Variants in SPNS3 observed in about 807,000 individuals in gnomAD.
SPNS3 encodes protein spinster homolog 3.
A neutral mutation model predicts 54.4 loss-of-function variants in SPNS3; 51 were observed. That is an observed-to-expected ratio of 0.94 (90% confidence interval 0.75 to 1.18). SPNS3 has a LOEUF of 1.18. Ranked by LOEUF, SPNS3 falls within the 50% of genes most tolerant of loss-of-function variation. The pLI, the probability that SPNS3 is intolerant of heterozygous loss-of-function variation, is 0.00. For synonymous variants in SPNS3, 309 were observed against 294.7 expected, an observed-to-expected ratio of 1.05 and a Z score of -0.50; for missense variants, 669 against 677.4, an observed-to-expected ratio of 0.99 and a Z score of 0.14.
At chr17:4,448,434 CTG>C in intron 6 of SPNS3, 131 bp downstream of exon 6, 1 of 888,874 alleles carries the variant, frequency 1.1e-6, no homozygotes. Flanking sequence ...TCCTCTTCCT[CTG>C]AGATCGCACT....
At position 4,486,100 on chromosome 17, in the gene SPNS3, T is replaced by A; in HGVS notation, c.1180-128T>A. On this transcript the variant is annotated intron_variant, in intron 9 of 11. Coordinates refer to ENST00000355530, the MANE Select transcript of SPNS3 (RefSeq NM_182538.5). This position sits in a 1 kb window ranked among gnomAD's most constrained non-coding sequence, Gnocchi z 5.5. ...GTGGGACTTTAGACCTTGGGGACCG[T>A]CGACTCCCTCCCATCCCACTCACCT... The A allele has an allele frequency of 1.4e-6, 1 of 733,364 alleles. No homozygotes were observed. The highest frequency in any genetic ancestry group is 2.1e-6 in the Non-Finnish European group (1 of 482,714). The allele number at this position is 733,364 out of a possible 1,614,324, so 45.4% of individuals were successfully genotyped here. A position where few individuals can be genotyped will look rare whatever the true frequency, so the allele number is the denominator to read the frequency against.
intron 1 of SPNS3, among the ~76,000 whole-genome samples, chr17:4,434,561 A>G (rs944034541): frequency 5.9e-5 from 9 of 152,084 alleles, no homozygotes; most frequent in South Asian, 4.2e-4. Context: ...TAGTGGCGCA[A>G]TCTCAGCTCA....
In SPNS3 at chr17:4,486,214, C is replaced by G; in HGVS notation, c.1180-14C>G. The stretch of plus-strand genomic sequence containing the variant: ...TCACTTGGGGTGCCCCCCTGCTGTG[C>G]CTATGTTTTGCAGTCTGTGGTGGTG... On this transcript the variant is annotated splice_polypyrimidine_tract_variant and intron_variant, in intron 9 of 11. Coordinates refer to ENST00000355530, the MANE Select transcript of SPNS3 (RefSeq NM_182538.5). This position sits in a 1 kb window ranked among gnomAD's most constrained non-coding sequence, Gnocchi z 5.5. 1 of 1,527,522 alleles carries G rather than the reference C, an allele frequency of 6.5e-7. No homozygotes were observed. The highest frequency in any genetic ancestry group is 8.8e-7 in the Non-Finnish European group (1 of 1,140,172). 94.6% of individuals were successfully genotyped at this position (1,527,522 alleles called of 1,614,324 possible). A position where few individuals can be genotyped will look rare whatever the true frequency, so the allele number is the denominator to read the frequency against.
intron 6 of SPNS3, among the ~76,000 whole-genome samples, chr17:4,448,514 T>A (rs1402901390): frequency 1.3e-5 from 2 of 152,170 alleles, no homozygotes; most frequent in Admixed American, 6.5e-5. Context: ...GACAGAAATA[T>A]GGACAGAGTG....
chr17:4,466,481 A>C (rs989504378), intron 8 of SPNS3, among the ~76,000 whole-genome samples: 2 of 148,194 alleles, frequency 1.3e-5, no homozygotes, highest in African/African-American at 2.5e-5. Flanking sequence ...CGGAGGTTGC[A>C]GTGAGCTGAG....
chr17:4,470,569 T>G (rs1027726776), intron 8 of SPNS3, among the ~76,000 whole-genome samples: 2 of 152,158 alleles, frequency 1.3e-5, no homozygotes, highest in Non-Finnish European at 2.9e-5. Flanking sequence ...AAAAGAAATT[T>G]CATGCCTATT....
At position 4,446,101 on chromosome 17, in the gene SPNS3, C is replaced by T. The variant is rs1250134022; in HGVS notation, c.456C>T (p.Ser152=). 1.9e-6 allele frequency: 3 copies of T among 1,613,134 alleles called. No homozygotes were observed. In the African/African-American group the frequency reaches 4.0e-5, roughly 22 times the overall value. The change falls in exon 4 of 12, where the codon AGC becomes AGT. Residue 152 remains serine (S), a synonymous_variant. Transcript: ENST00000355530. The part of the protein sequence containing the change: ...SRGIVGTGSA[S]YSTIAPTVLG... ...GCATCGTGGGCACTGGCTCGGCCAG[C>T]TACTCCACCATCGCGCCCACCGTCC...
chr17:4,487,728 G>A, intron 11 of SPNS3, 78 bp from the exon 12 acceptor site: 2 of 1,290,494 alleles, frequency 1.5e-6, no homozygotes, highest in Non-Finnish European at 2.2e-6. Flanking sequence ...TTTCCTGACA[G>A]CCCGTGCCCA....
intron 8 of SPNS3, among the ~76,000 whole-genome samples, chr17:4,470,236 C>G (rs1167461827): frequency 6.6e-6 from 1 of 151,978 alleles, no homozygotes; most frequent in African/African-American, 2.4e-5. Flanking sequence ...CGAGACCAGC[C>G]TGGCCAACAT....
chr17:4,480,317 G>T (rs558035005), intron 9 of SPNS3, among the ~76,000 whole-genome samples: 2 of 152,388 alleles, frequency 1.3e-5, no homozygotes, highest in South Asian at 2.1e-4. Context: ...TATAAAAGGG[G>T]TAATCACCAC....
At position 4,486,396 on chromosome 17, in the gene SPNS3, C is replaced by T; in HGVS notation, c.1279-16C>T. 1.3e-6 allele frequency: 2 copies of T among 1,598,002 alleles called. No homozygotes were observed. The highest frequency in any genetic ancestry group is 2.7e-5 in the African/African-American group (2 of 74,464). ...AGGCTGGTGGGCCTGGCAGACTCAT[C>T]CCTTCTCCTCCGCAGATCTCTAGTG... On this transcript the variant is annotated splice_polypyrimidine_tract_variant and intron_variant, in intron 10 of 11. Transcript: ENST00000355530. The surrounding 1 kb of genome is among the most constrained non-coding windows in gnomAD (Gnocchi z 5.5).
intron 8 of SPNS3, among the ~76,000 whole-genome samples, chr17:4,454,281 G>C (rs1489669560): frequency 6.6e-6 from 1 of 152,226 alleles, no homozygotes; most frequent in Non-Finnish European, 1.5e-5. Context: ...AGCCCTGCCT[G>C]TCCCCCAACA....
chr17:4,440,305 A>G (rs976942263), intron 2 of SPNS3, among the ~76,000 whole-genome samples: 1 of 152,166 alleles, frequency 6.6e-6, no homozygotes, highest in Non-Finnish European at 1.5e-5. Flanking sequence ...ACACACCCAC[A>G]GTGTGCATAT....
rs62064862 is a variant in SPNS3 at position 4,459,481 on chromosome 17, G to A, written c.1113+6276G>A. On this transcript the variant is annotated intron_variant, in intron 8 of 11. Transcript: ENST00000355530. ...AACCCCAGCACTTTGGGAGGCCGAG[G>A]CAGGCGGATCACCTGAGGTCAGGAG... is the stretch of plus-strand genomic sequence containing the variant. Among the ~76,000 whole-genome samples, 1,137 of 152,242 alleles carry A rather than the reference G, an allele frequency of 7.5e-3. 9 individuals carry two copies. The highest frequency in any genetic ancestry group is 0.011 in the Non-Finnish European group (764 of 68,014).
At chr17:4,441,936 C>T (rs1970858738) in intron 2 of SPNS3, among the ~76,000 whole-genome samples, 1 of 148,112 alleles carries the variant, frequency 6.8e-6, no homozygotes, top group Admixed American at 6.8e-5. Flanking sequence ...TGGTTCTTAC[C>T]GTAGTGGTCA....
intron 7 of SPNS3, among the ~76,000 whole-genome samples, chr17:4,449,943 C>T (rs890679294): frequency 7.9e-5 from 12 of 152,168 alleles, no homozygotes; most frequent in Non-Finnish European, 1.5e-4. Context: ...ACTTCTGTTC[C>T]TATCGCCTTT....
chr17:4,441,881 T>A (rs974635123), intron 2 of SPNS3, among the ~76,000 whole-genome samples: 4 of 151,922 alleles, frequency 2.6e-5, no homozygotes, highest in Non-Finnish European at 5.9e-5. Flanking sequence ...TCCCAAAGTG[T>A]TGAGATTACA....
At chr17:4,458,485 CTTCTTTCT>C (rs530203347) in intron 8 of SPNS3, among the ~76,000 whole-genome samples, 14 of 66,096 alleles carry the variant, frequency 2.1e-4, no homozygotes, top group Non-Finnish European at 3.2e-4. Flanking sequence ...TCTTTCTTTT[CTTCTTTCT>C]TTCTTTCTTT....
At chr17:4,480,124 C>T (rs1332718149) in intron 9 of SPNS3, among the ~76,000 whole-genome samples, 2 of 152,204 alleles carry the variant, frequency 1.3e-5, no homozygotes, top group African/African-American at 4.8e-5. Flanking sequence ...TCCCCTGACC[C>T]CTCCCCACGG....
Sources: gnomAD v4.1 joint callset for allele counts (sites outside exome capture counted in the v4.1 genomes callset) on GRCh38, gnomAD v4.1.1 for gene constraint, Gnocchi (gnomAD v3.1) non-coding constraint, MANE v1.5 for transcripts, NCBI Gene and HGNC (gene_info 2026-07-23, HGNC 2026-07-21) for gene names.